Variants in LRRC4C observed in about 807,000 individuals in gnomAD.
The protein encoded by LRRC4C is leucine-rich repeat-containing protein 4C.
A neutral mutation model predicts 33.6 loss-of-function variants in LRRC4C; 5 were observed. The observed-to-expected ratio is 0.15, with a 90% CI of 0.08 to 0.31. LRRC4C has a LOEUF of 0.31. Among genes scored for constraint, LRRC4C ranks in the 10% least tolerant of loss-of-function variants. The probability of loss-of-function intolerance (pLI) is 1.00; values close to 1 mark genes in which losing one functional copy is unlikely to be tolerated. For missense variants in LRRC4C, 560 were observed against 796.7 expected (o/e 0.70, Z 3.58); for synonymous variants, 329 against 302.0 (o/e 1.09, Z -0.93).
At chr11:41,267,825 T>A (rs953422515) in intron 1 of LRRC4C, among the ~76,000 whole-genome samples, 2 of 152,154 alleles carry the variant, frequency 1.3e-5, no homozygotes, top group Non-Finnish European at 2.9e-5. Context: ...ACCGTAAGGA[T>A]AAAATGTCTA....
intron 4 of LRRC4C, among the ~76,000 whole-genome samples, chr11:40,279,876 C>T (rs1943355389): frequency 6.6e-6 from 1 of 152,132 alleles, no homozygotes; most frequent in Non-Finnish European, 1.5e-5. Flanking sequence ...TGGGACTATG[C>T]TCTGGGAGAT....
intron 3 of LRRC4C, among the ~76,000 whole-genome samples, chr11:40,642,485 G>A (rs919055354): frequency 6.6e-6 from 1 of 152,048 alleles, no homozygotes; most frequent in Non-Finnish European, 1.5e-5. Context: ...ACTACATTAG[G>A]CACTAGCAGC....
At chr11:40,517,964 A>G (rs1955641276) in intron 3 of LRRC4C, among the ~76,000 whole-genome samples, 1 of 152,160 alleles carries the variant, frequency 6.6e-6, no homozygotes, top group South Asian at 2.1e-4. Flanking sequence ...CCACACATCT[A>G]CAATCATCTG....
At chr11:40,737,965 A>G (rs1281528638) in intron 2 of LRRC4C, among the ~76,000 whole-genome samples, 2 of 152,158 alleles carry the variant, frequency 1.3e-5, no homozygotes, top group Non-Finnish European at 2.9e-5. Flanking sequence ...ACCTGACTTC[A>G]AACTATATTG....
rs1408296846 is a variant in LRRC4C, at chr11:40,701,748, C to T, written c.-406-53470G>A. On this transcript the variant is annotated intron_variant, in intron 2 of 6. Transcript: ENST00000528697. ...AAAAATCCTTCAAGCTAAAATTATC[C>T]AGTATTACAAAGCCTGCATAATAGA... Among the ~76,000 whole-genome samples the T allele has an allele frequency of 7.9e-5, 12 of 151,308 alleles. No homozygotes were observed. The East Asian group carries it at 2.1e-3, about 27-fold the overall frequency.
chr11:40,756,278 A>T (rs986283350), intron 2 of LRRC4C, among the ~76,000 whole-genome samples: 1 of 152,084 alleles, frequency 6.6e-6, no homozygotes, highest in Non-Finnish European at 1.5e-5. Flanking sequence ...TATCAAACTA[A>T]TACATCACTT....
At chr11:41,155,138 A>T (rs140249634) in intron 1 of LRRC4C, among the ~76,000 whole-genome samples, 2 of 152,128 alleles carry the variant, frequency 1.3e-5, no homozygotes, top group Non-Finnish European at 2.9e-5. Context: ...CTGGAGCAGC[A>T]CAAGTCCTGG....
intron 5 of LRRC4C, among the ~76,000 whole-genome samples, chr11:40,212,750 A>T (rs146573474): frequency 6.6e-6 from 1 of 152,254 alleles, no homozygotes; most frequent in Non-Finnish European, 1.5e-5. Context: ...GATGCTAAGT[A>T]ACTTGTACAA....
At chr11:41,160,913 T>C (rs1188816086) in intron 1 of LRRC4C, among the ~76,000 whole-genome samples, 2 of 152,150 alleles carry the variant, frequency 1.3e-5, no homozygotes, top group Non-Finnish European at 2.9e-5. Flanking sequence ...TCAGAAAGAA[T>C]CAACACAATC....
chr11:41,166,574 A>T (rs1191815153), intron 1 of LRRC4C, among the ~76,000 whole-genome samples: 5 of 152,172 alleles, frequency 3.3e-5, no homozygotes, highest in Non-Finnish European at 5.9e-5. Flanking sequence ...GCCCTCTGTT[A>T]GAAATGTTCT....
chr11:40,136,433 C>CTT (rs566193838), intron 6 of LRRC4C, among the ~76,000 whole-genome samples: 15 of 137,998 alleles, frequency 1.1e-4, no homozygotes, highest in East Asian at 2.1e-4. Flanking sequence ...TGCCCGGCTA[C>CTT]TTTTTTTTTT....
intron 2 of LRRC4C, among the ~76,000 whole-genome samples, chr11:40,928,170 G>A (rs1282328935): frequency 2.0e-5 from 3 of 151,678 alleles, no homozygotes; most frequent in African/African-American, 4.8e-5. Context: ...GTGAAAAATA[G>A]GAAGGACTTT....
intron 2 of LRRC4C, among the ~76,000 whole-genome samples, chr11:40,917,821 G>A (rs1159911450): frequency 1.3e-5 from 2 of 152,110 alleles, no homozygotes; most frequent in Admixed American, 1.3e-4. Flanking sequence ...GCATTGTGAA[G>A]CACAGTCTGC....
chr11:40,407,699 A>G (rs545108252), intron 3 of LRRC4C, among the ~76,000 whole-genome samples: 20 of 152,282 alleles, frequency 1.3e-4, no homozygotes, highest in African/African-American at 4.1e-4. Flanking sequence ...TAATAGCTTG[A>G]CATACTTTTG....
chr11:40,321,456 T>G (rs906319925), intron 3 of LRRC4C, among the ~76,000 whole-genome samples: 3 of 152,332 alleles, frequency 2.0e-5, no homozygotes, highest in Non-Finnish European at 2.9e-5. Flanking sequence ...CAAATTAAGC[T>G]TCATAACTAT....
chr11:40,718,651 A>T (rs1468062504), intron 2 of LRRC4C, among the ~76,000 whole-genome samples: 2 of 152,204 alleles, frequency 1.3e-5, no homozygotes, highest in Non-Finnish European at 2.9e-5. Flanking sequence ...ATGTATTAAT[A>T]GGTTATTTTA....
At chr11:40,422,220 T>C (rs1950546558) in intron 3 of LRRC4C, among the ~76,000 whole-genome samples, 1 of 152,166 alleles carries the variant, frequency 6.6e-6, no homozygotes, top group African/African-American at 2.4e-5. Context: ...AAATGAAGTG[T>C]TCCAGTAACA....
chr11:40,937,768 G>T (rs1443161973), intron 1 of LRRC4C, among the ~76,000 whole-genome samples: 1 of 151,952 alleles, frequency 6.6e-6, no homozygotes, highest in Admixed American at 6.6e-5. Context: ...TCAGCCTGCC[G>T]AGTAGCTGGG....
At chr11:40,144,492 T>C (rs370077344) in intron 5 of LRRC4C, among the ~76,000 whole-genome samples, 7 of 152,202 alleles carry the variant, frequency 4.6e-5, no homozygotes, top group Non-Finnish European at 7.3e-5. Flanking sequence ...AACAAGGTGA[T>C]AATCCTCCTT....
Sources: gnomAD v4.1 joint callset for allele counts (sites outside exome capture counted in the v4.1 genomes callset) on GRCh38, gnomAD v4.1.1 for gene constraint, MANE v1.5 for transcripts, NCBI Gene and HGNC (gene_info 2026-07-23, HGNC 2026-07-21) for gene names.